Variants in LLGL2 observed in about 807,000 individuals in gnomAD.
LLGL2 encodes the protein LLGL scribble cell polarity complex component 2.
Under a neutral mutation model 123.2 loss-of-function variants are expected in LLGL2, and 81 were observed. The ratio of observed to expected loss-of-function variants is 0.66; its 90% CI spans 0.55 to 0.79. LLGL2 has a LOEUF of 0.79. Ranked by LOEUF, LLGL2 falls within the 30% of genes least tolerant of loss-of-function variation. The probability of loss-of-function intolerance (pLI) is 0.00; values close to 1 mark genes in which losing one functional copy is unlikely to be tolerated. For missense variants in LLGL2, 1,273 were observed against 1,414.6 expected (o/e 0.90, Z 1.61); for synonymous variants, 577 against 594.1 (o/e 0.97, Z 0.42).
At chr17:75,562,891 G>A in intron 6 of LLGL2, 125 bp from the exon 7 acceptor site, 1 of 1,217,234 alleles carries the variant, frequency 8.2e-7, no homozygotes, top group Non-Finnish European at 1.1e-6. Flanking sequence ...CCAGCCCCTA[G>A]CCATATTTCT....
chr17:75,531,786 T>A (rs1346117497), intron 1 of LLGL2, among the ~76,000 whole-genome samples: 1 of 152,180 alleles, frequency 6.6e-6, no homozygotes, highest in Non-Finnish European at 1.5e-5. Context: ...TGGGGTGGCC[T>A]TCCCCACAGC....
chr17:75,563,947 G>A, intron 9 of LLGL2, 141 bp downstream of exon 9: 1 of 818,882 alleles, frequency 1.2e-6, no homozygotes, highest in Admixed American at 2.1e-5. Flanking sequence ...AGGGAGGGGA[G>A]ACAGGGTAGA....
chr17:75,570,617 G>A (rs1160224355), intron 16 of LLGL2, 119 bp downstream of exon 16: 4 of 1,284,780 alleles, frequency 3.1e-6, no homozygotes, highest in South Asian at 1.5e-5. Context: ...AAGATTCAGG[G>A]TCCAGGTCGC....
chr17:75,566,956 G>C (rs2055469547), intron 10 of LLGL2, among the ~76,000 whole-genome samples: 1 of 152,166 alleles, frequency 6.6e-6, no homozygotes, highest in Non-Finnish European at 1.5e-5. Flanking sequence ...GCTGCTCAAT[G>C]ATTTTGAGGT....
At chr17:75,570,807 C>T in intron 16 of LLGL2, 143 bp from the exon 17 acceptor site, 1 of 1,144,446 alleles carries the variant, frequency 8.7e-7, no homozygotes, top group South Asian at 1.5e-5. Context: ...CCCTCTTGGA[C>T]AAGGGTCCCT....
intron 1 of LLGL2, among the ~76,000 whole-genome samples, chr17:75,537,486 G>A (rs1351279267): frequency 6.6e-6 from 1 of 152,108 alleles, no homozygotes; most frequent in Non-Finnish European, 1.5e-5. Flanking sequence ...TTGAGATCAG[G>A]AGTTCGAGAC....
chr17:75,566,940 G>A (rs917502302), intron 10 of LLGL2, among the ~76,000 whole-genome samples: 9 of 152,214 alleles, frequency 5.9e-5, no homozygotes, highest in African/African-American at 1.4e-4. Flanking sequence ...GCAGAGATGT[G>A]TGAAGGCTGC....
At chr17:75,545,660 A>T (rs1015462036) in intron 2 of LLGL2, among the ~76,000 whole-genome samples, 3 of 152,188 alleles carry the variant, frequency 2.0e-5, no homozygotes, top group African/African-American at 7.2e-5. Context: ...CTGCGGCTCC[A>T]GGGGTTGTGA....
At chr17:75,568,389 C>T in intron 10 of LLGL2, 87 bp from the exon 11 acceptor site, 1 of 1,504,920 alleles carries the variant, frequency 6.6e-7, no homozygotes, top group African/African-American at 1.4e-5. Flanking sequence ...CTGCAGATGC[C>T]CTGGCTCCAA....
rs1414900882 is a variant in LLGL2 at position 75,564,205 on chromosome 17, T to A, written c.882-148T>A. The A allele has an allele frequency of 2.8e-6, 4 of 1,433,464 alleles. No individual in the cohort carries two copies. The African/African-American group carries it at 5.7e-5, about 20-fold the overall frequency. 88.8% of individuals were successfully genotyped at this position (1,433,464 alleles called of 1,614,324 possible). On this transcript the variant is annotated intron_variant, in intron 9 of 25. Transcript: ENST00000392550. The surrounding 1 kb of genome is among the most constrained non-coding windows in gnomAD (Gnocchi z 4.9). Reference sequence around the variant, plus strand: ...ATGCCCTCACCTTACCTCCAAGTCCTCCTGGGCTGTAGCAGTTGGAAGGAG... The same window carrying A: ...ATGCCCTCACCTTACCTCCAAGTCCACCTGGGCTGTAGCAGTTGGAAGGAG...
At chr17:75,533,200 C>T (rs1004283836) in intron 1 of LLGL2, among the ~76,000 whole-genome samples, 66 of 151,282 alleles carry the variant, frequency 4.4e-4, no homozygotes, top group African/African-American at 1.5e-3. Flanking sequence ...AAGGTTTCAC[C>T]GTGTTAGCCA....
chr17:75,573,775 C>G, intron 21 of LLGL2, 144 bp downstream of exon 21: 1 of 1,209,502 alleles, frequency 8.3e-7, no homozygotes, highest in Non-Finnish European at 1.2e-6. Context: ...CTCCTTGCCT[C>G]TTTGCGTGCC....
intron 1 of LLGL2, among the ~76,000 whole-genome samples, chr17:75,533,924 G>T (rs1179321819): frequency 6.6e-6 from 1 of 152,216 alleles, no homozygotes; most frequent in East Asian, 1.9e-4. Flanking sequence ...TAAAATTCCA[G>T]TCCCTCCCAT....
chr17:75,559,336 C>A lies in LLGL2; in HGVS notation c.456C>A (p.Asn152Lys), dbSNP rs367612817. The A allele has an allele frequency of 1.1e-5, 17 of 1,613,484 alleles. No homozygotes were observed. The highest frequency in any genetic ancestry group is 8.5e-7 in the Non-Finnish European group (1 of 1,179,974). ...TCTACCTGGGCACCGAGAGTGGCAA[C>A]GTGTTTGTGGTGCAGCTGCCAGCTT... The part of the protein sequence containing the change: ...ELLYLGTESG[N>K]VFVVQLPAFR... Residue 152 changes from asparagine (N) to lysine (K), a missense_variant, in exon 6 of 26, where the codon AAC (asparagine) becomes AAA (lysine). Transcript: ENST00000392550. This position sits in a 1 kb window ranked among gnomAD's most constrained non-coding sequence, Gnocchi z 4.6.
At position 75,558,122 on chromosome 17, in the gene LLGL2, G is replaced by GA. The variant is rs1568049767; in HGVS notation, c.174-32dup. ...TCAAGGCAGGCAGGGGATGGTGTCCGACCTTCCAGAGCTTTCCTGAGCCTA... is the reference window on the plus strand; with the variant it reads ...TCAAGGCAGGCAGGGGATGGTGTCCGAACCTTCCAGAGCTTTCCTGAGCCTA... On this transcript the variant is annotated intron_variant, in intron 3 of 25. Transcript: ENST00000392550. This position sits in a 1 kb window ranked among gnomAD's most constrained non-coding sequence, Gnocchi z 4.0. 1 of 1,604,644 alleles carries GA rather than the reference G, an allele frequency of 6.2e-7. No homozygotes were observed.
At position 75,559,713 on chromosome 17, in the gene LLGL2, CCCAGG is replaced by C. The variant is rs1441274055; in HGVS notation, c.530+304_530+308del. 6.6e-6 allele frequency among the ~76,000 whole-genome samples: 1 copy of C among 152,202 alleles called. No individual in the cohort carries two copies. The highest frequency in any genetic ancestry group is 2.4e-5 in the African/African-American group (1 of 41,444). ...TTGCACTTGCCATGGGTTTCAGAAC[CCCAGG>C]GGCTCCGCAGCGGGGAAGTCGGGCC... On this transcript the variant is annotated intron_variant, in intron 6 of 25. Coordinates refer to ENST00000392550, the MANE Select transcript of LLGL2 (RefSeq NM_001031803.2). The surrounding 1 kb of genome is among the most constrained non-coding windows in gnomAD (Gnocchi z 4.6).
chr17:75,574,145 T>A, intron 22 of LLGL2, 68 bp from the exon 23 acceptor site: 1 of 1,526,022 alleles, frequency 6.6e-7, no homozygotes, highest in South Asian at 1.2e-5. Context: ...CTGACCTCAG[T>A]AAGGAGAGAG....
chr17:75,552,570 G>A (rs2147300613), intron 2 of LLGL2, among the ~76,000 whole-genome samples: 1 of 152,260 alleles, frequency 6.6e-6, no homozygotes, highest in South Asian at 2.1e-4. Flanking sequence ...TTTTCAGTTT[G>A]TGTTTTTGAA....
intron 1 of LLGL2, among the ~76,000 whole-genome samples, chr17:75,538,886 TTTTC>T (rs1166443717): frequency 6.6e-6 from 1 of 150,732 alleles, no homozygotes; most frequent in Non-Finnish European, 1.5e-5. Context: ...CGCATCCTCT[TTTTC>T]TTTCTTTTTC....
Sources: allele counts gnomAD v4.1 joint callset (sites outside exome capture counted in the v4.1 genomes callset), GRCh38; gene constraint gnomAD v4.1.1; non-coding constraint Gnocchi (gnomAD v3.1); transcripts MANE v1.5; gene names NCBI Gene and HGNC (gene_info 2026-07-23, HGNC 2026-07-21).